PDE11A: variants seen among roughly 807,000 people sequenced by gnomAD.
The protein encoded by PDE11A is phosphodiesterase 11A, also known as dual 3',5'-cyclic-AMP and -GMP phosphodiesterase 11A.
Under a neutral mutation model 100.5 loss-of-function variants are expected in PDE11A, and 100 were observed. That is an observed-to-expected ratio of 1.00 (90% confidence interval 0.85 to 1.18). The LOEUF (loss-of-function observed/expected upper bound fraction) is 1.18, where lower values mean the gene tolerates loss of function less well. PDE11A is among the 50% of genes most tolerant of loss of function. The pLI is 0.00. For missense variants in PDE11A, 1,141 were observed against 1,152.6 expected, an observed-to-expected ratio of 0.99 and a Z score of 0.15; for synonymous variants, 381 against 420.8, an observed-to-expected ratio of 0.91 and a Z score of 1.16.
chr2:177,834,798 T>C (rs1485287239), intron 6 of PDE11A, among the ~76,000 whole-genome samples: 1 of 152,212 alleles, frequency 6.6e-6, no homozygotes, highest in African/African-American at 2.4e-5. Flanking sequence ...CTCCACCCTG[T>C]AGGCAGTTAA....
At chr2:178,107,176 C>A (rs2087629921) in intron 1 of PDE11A, among the ~76,000 whole-genome samples, 1 of 151,962 alleles carries the variant, frequency 6.6e-6, no homozygotes, top group African/African-American at 2.4e-5. Context: ...CTTCTGCCCT[C>A]TCTAATCATA....
At chr2:177,818,558 T>C (rs6724505) in intron 7 of PDE11A, among the ~76,000 whole-genome samples, 31,933 of 151,902 alleles carry the variant, frequency 0.21, 3,523 homozygotes, top group Non-Finnish European at 0.24. Flanking sequence ...GTTAGAATGT[T>C]CATAAAGCAT....
chr2:177,962,899 G>A (rs1041594990), intron 2 of PDE11A, among the ~76,000 whole-genome samples: 2 of 152,126 alleles, frequency 1.3e-5, no homozygotes, highest in South Asian at 2.1e-4. Context: ...TGGAGGTTTG[G>A]TTAATACTGT....
At chr2:177,811,528 A>ATTTTTTTTTTCTTTT (rs372536873) in intron 9 of PDE11A, among the ~76,000 whole-genome samples, 1 of 147,888 alleles carries the variant, frequency 6.8e-6, no homozygotes, top group Non-Finnish European at 1.5e-5. Context: ...AGTCACTCCA[A>ATTTTTTTTTTCTTTT]TTTTTAAAGG....
chr2:177,772,645 C>CA (rs1024941444), intron 9 of PDE11A, among the ~76,000 whole-genome samples: 3 of 150,762 alleles, frequency 2.0e-5, no homozygotes, highest in African/African-American at 7.4e-5. Flanking sequence ...AGCTGCAATT[C>CA]AAAATCTATG....
intron 19 of PDE11A, among the ~76,000 whole-genome samples, chr2:177,638,471 A>G (rs746913818): frequency 3.9e-5 from 6 of 152,208 alleles, no homozygotes; most frequent in Non-Finnish European, 8.8e-5. Context: ...TATGATCTAT[A>G]TAATCTCTGA....
chr2:177,942,091 A>T (rs2105773525), intron 2 of PDE11A, among the ~76,000 whole-genome samples: 1 of 152,342 alleles, frequency 6.6e-6, no homozygotes, highest in South Asian at 2.1e-4. Context: ...TGCTTTAAAC[A>T]TGTTCATCTA....
chr2:177,808,750 T>C (rs1031901081), intron 9 of PDE11A, among the ~76,000 whole-genome samples: 5 of 152,090 alleles, frequency 3.3e-5, no homozygotes, highest in African/African-American at 4.8e-5. Flanking sequence ...GAGTGCTACA[T>C]TGAGGGGACC....
Position 177,769,345 on chromosome 2 carries a change from T to C in PDE11A, c.1766A>G (p.Lys589Arg), listed in dbSNP as rs1193984005. Reference protein sequence around the residue: ...DVLSYHATCSKAEVDKFKAAN... With the variant: ...DVLSYHATCSRAEVDKFKAAN... ...TACCTTAAACTTGTCAACTTCAGCT[T>C]TTGAACATGTTGCATGGTATGATAG... The change falls in exon 10 of 20, where the codon AAA becomes AGA. Residue 589 changes from lysine to arginine, a missense_variant. Transcript: ENST00000286063. 5 of 1,599,502 alleles carry C rather than the reference T, an allele frequency of 3.1e-6. No individual in the cohort carries two copies. Among genetic ancestry groups the C allele is most frequent in the Non-Finnish European group, 4.3e-6 (5 of 1,166,744 alleles).
intron 9 of PDE11A, among the ~76,000 whole-genome samples, chr2:177,796,532 G>A (rs1363736602): frequency 6.6e-6 from 1 of 152,124 alleles, no homozygotes; most frequent in African/African-American, 2.4e-5. Flanking sequence ...CAGTGTGGAG[G>A]GGGATCTAGG....
chr2:178,051,905 A>G (rs1020310833), intron 1 of PDE11A, among the ~76,000 whole-genome samples: 2 of 152,144 alleles, frequency 1.3e-5, no homozygotes, highest in Non-Finnish European at 2.9e-5. Flanking sequence ...TTCCCACACA[A>G]TAATAATGGG....
At chr2:178,067,593 T>C (rs2087064794) in intron 1 of PDE11A, among the ~76,000 whole-genome samples, 1 of 152,208 alleles carries the variant, frequency 6.6e-6, no homozygotes, top group African/African-American at 2.4e-5. Flanking sequence ...ATCCTATTTA[T>C]AGCTGGAATG....
At chr2:177,903,435 G>A (rs1473421922) in intron 3 of PDE11A, among the ~76,000 whole-genome samples, 1 of 152,046 alleles carries the variant, frequency 6.6e-6, no homozygotes, top group African/African-American at 2.4e-5. Context: ...TATCTAATAT[G>A]TATTGTTCTC....
chr2:178,058,683 T>C (rs1255194463), intron 1 of PDE11A, among the ~76,000 whole-genome samples: 1 of 152,214 alleles, frequency 6.6e-6, no homozygotes, highest in Non-Finnish European at 1.5e-5. Flanking sequence ...CTACCTACTA[T>C]GTGCTAGGTA....
chr2:177,870,128 C>T (rs2084105436), intron 5 of PDE11A, among the ~76,000 whole-genome samples: 1 of 152,164 alleles, frequency 6.6e-6, no homozygotes, highest in South Asian at 2.1e-4. Context: ...TTAGGTGACC[C>T]GTGTAGATGT....
chr2:177,719,742 G>A (rs3754991), intron 12 of PDE11A, among the ~76,000 whole-genome samples: 78,514 of 152,018 alleles, frequency 0.52, 23,562 homozygotes, highest in East Asian at 0.86. Flanking sequence ...TTTCTGGTAC[G>A]TAGAGTGTTG....
intron 10 of PDE11A, among the ~76,000 whole-genome samples, chr2:177,760,707 C>T (rs114004272): frequency 0.011 from 1,641 of 152,276 alleles, 35 homozygotes; most frequent in African/African-American, 0.037. Context: ...TTTTTATACA[C>T]TTGCTTGCTC....
chr2:177,811,944 T>C (rs564450774), intron 9 of PDE11A, among the ~76,000 whole-genome samples: 12 of 152,240 alleles, frequency 7.9e-5, no homozygotes, highest in African/African-American at 2.6e-4. Flanking sequence ...CAGGTAGTAA[T>C]TTTCCTGATA....
At chr2:177,952,103 G>C (rs568878626) in intron 2 of PDE11A, among the ~76,000 whole-genome samples, 7 of 152,050 alleles carry the variant, frequency 4.6e-5, no homozygotes, top group Non-Finnish European at 8.8e-5. Flanking sequence ...TTTATAGTTT[G>C]TTCCCACCAT....
Sources: allele counts gnomAD v4.1 joint callset (sites outside exome capture counted in the v4.1 genomes callset), GRCh38; gene constraint gnomAD v4.1.1; transcripts MANE v1.5; gene names NCBI Gene and HGNC (gene_info 2026-07-23, HGNC 2026-07-21).